SAMD3: variants seen among roughly 807,000 people sequenced by gnomAD.
SAMD3 encodes sterile alpha motif domain containing 3.
Under a neutral mutation model 58.5 loss-of-function variants are expected in SAMD3, and 63 were observed. The ratio of observed to expected loss-of-function variants is 1.08; its 90% CI spans 0.88 to 1.33. The LOEUF (loss-of-function observed/expected upper bound fraction) is 1.33, where lower values mean the gene tolerates loss of function less well. SAMD3 is among the 40% of genes most tolerant of loss of function. The pLI is 0.00. For missense variants in SAMD3, 604 were observed against 608.4 expected, an observed-to-expected ratio of 0.99 and a Z score of 0.08; for synonymous variants, 220 against 210.3, an observed-to-expected ratio of 1.05 and a Z score of -0.40.
intron 8 of SAMD3, among the ~76,000 whole-genome samples, chr6:130,163,058 A>ATGTGCC (rs1293306760): frequency 6.6e-6 from 1 of 152,208 alleles, no homozygotes; most frequent in Non-Finnish European, 1.5e-5. Flanking sequence ...GACTACAGGC[A>ATGTGCC]TGTGCCACTG....
exon 1 of SAMD3, chr6:130,365,264 TG>T: frequency 1.3e-5 from 13 of 985,328 alleles, no homozygotes; most frequent in Non-Finnish European, 1.6e-5. Context: ...CTTTGATGTT[TG>T]GAGTCGAACA....
intron 5 of SAMD3, among the ~76,000 whole-genome samples, chr6:130,195,646 T>C (rs1794034621): frequency 6.6e-6 from 1 of 152,198 alleles, no homozygotes; most frequent in African/African-American, 2.4e-5. Flanking sequence ...TCGCTTTCAC[T>C]TGGACTGACC....
At chr6:130,272,006 G>T (rs1774581512) in intron 2 of SAMD3, among the ~76,000 whole-genome samples, 1 of 152,068 alleles carries the variant, frequency 6.6e-6, no homozygotes, top group Non-Finnish European at 1.5e-5. Context: ...ATTTGGGTGG[G>T]GACACAGCCA....
intron 9 of SAMD3, 112 bp downstream of exon 9, chr6:130,154,713 A>C (rs1789593296): frequency 8.7e-6 from 1 of 115,402 alleles, no homozygotes; most frequent in African/African-American, 4.4e-5. Flanking sequence ...AAAAAAAAAA[A>C]AAAAAATATA....
At chr6:130,152,176 A>G (rs1395382241) in intron 9 of SAMD3, among the ~76,000 whole-genome samples, 1 of 152,094 alleles carries the variant, frequency 6.6e-6, no homozygotes, top group African/African-American at 2.4e-5. Context: ...TGTTTTCACA[A>G]TGGCAGGAGC....
At chr6:130,356,720 T>C (rs895252867) in intron 1 of SAMD3, among the ~76,000 whole-genome samples, 3 of 152,222 alleles carry the variant, frequency 2.0e-5, no homozygotes, top group Non-Finnish European at 4.4e-5. Flanking sequence ...TTTCCTTTTT[T>C]CTCTGAGGGT....
intron 2 of SAMD3, among the ~76,000 whole-genome samples, chr6:130,253,402 A>G (rs1353431537): frequency 6.6e-6 from 1 of 152,174 alleles, no homozygotes; most frequent in Admixed American, 6.5e-5. Flanking sequence ...TTCTTTTTCA[A>G]TAGATGAGCT....
intron 4 of SAMD3, 105 bp from the exon 5 acceptor site, chr6:130,209,713 G>A: frequency 1.5e-6 from 1 of 654,496 alleles, no homozygotes; most frequent in East Asian, 2.7e-5. Flanking sequence ...ATCATGGTCT[G>A]TGTCCACTTC....
intron 1 of SAMD3, among the ~76,000 whole-genome samples, chr6:130,352,808 T>A (rs531990727): frequency 6.6e-6 from 1 of 152,340 alleles, no homozygotes; most frequent in East Asian, 1.9e-4. Context: ...TGTGTCTACA[T>A]CTACATTCTG....
intron 5 of SAMD3, among the ~76,000 whole-genome samples, chr6:130,201,827 T>G (rs1476736034): frequency 6.6e-6 from 1 of 152,220 alleles, no homozygotes; most frequent in African/African-American, 2.4e-5. Context: ...CTTCAGTGTT[T>G]GTGAAGCCTT....
intron 1 of SAMD3, among the ~76,000 whole-genome samples, chr6:130,362,043 T>C (rs932459854): frequency 6.6e-6 from 1 of 152,238 alleles, no homozygotes; most frequent in African/African-American, 2.4e-5. Context: ...CTATGCTCTC[T>C]GTGTAACACC....
intron 5 of SAMD3, among the ~76,000 whole-genome samples, chr6:130,194,692 C>T (rs1023293813): frequency 5.3e-5 from 8 of 152,230 alleles, no homozygotes; most frequent in African/African-American, 9.6e-5. Flanking sequence ...CCCATCTGTG[C>T]AGGACCCCAC....
chr6:130,291,441 C>T (rs547135926), intron 2 of SAMD3, among the ~76,000 whole-genome samples: 1 of 152,262 alleles, frequency 6.6e-6, no homozygotes, highest in East Asian at 1.9e-4. Flanking sequence ...CTGAGCCTTA[C>T]AACTCAGGCT....
intron 2 of SAMD3, among the ~76,000 whole-genome samples, chr6:130,288,512 T>C (rs1463506998): frequency 6.6e-6 from 1 of 152,238 alleles, no homozygotes; most frequent in Non-Finnish European, 1.5e-5. Context: ...AACAACTGTG[T>C]ACCATAGCCT....
intron 2 of SAMD3, among the ~76,000 whole-genome samples, chr6:130,283,396 A>C (rs954235097): frequency 2.0e-5 from 3 of 152,236 alleles, no homozygotes; most frequent in Non-Finnish European, 4.4e-5. Context: ...GATTAAGGCA[A>C]CATTATAAGT....
At chr6:130,217,159 A>G (rs1796047220) in intron 1 of SAMD3, among the ~76,000 whole-genome samples, 1 of 152,212 alleles carries the variant, frequency 6.6e-6, no homozygotes, top group Admixed American at 6.5e-5. Context: ...TTTGCCTAGT[A>G]GCTTTTCTGG....
At chr6:130,325,016 C>G (rs774090164) in intron 1 of SAMD3, among the ~76,000 whole-genome samples, 2 of 151,854 alleles carry the variant, frequency 1.3e-5, no homozygotes, top group Admixed American at 6.6e-5. Context: ...ATCAGTGGAG[C>G]CTTAAATGAA....
upstream of SAMD3, among the ~76,000 whole-genome samples, chr6:130,223,403 T>C (rs953968894): frequency 1.3e-5 from 2 of 152,326 alleles, no homozygotes; most frequent in East Asian, 1.9e-4. Context: ...GTGCAGGTGA[T>C]AGCTGAACAT....
chr6:130,287,107 C>G (rs781618180), intron 2 of SAMD3, among the ~76,000 whole-genome samples: 1 of 152,112 alleles, frequency 6.6e-6, no homozygotes, highest in Non-Finnish European at 1.5e-5. Context: ...TTGCTTGGCT[C>G]CAGTTTTTTT....
Sources: allele counts gnomAD v4.1 joint callset (sites outside exome capture counted in the v4.1 genomes callset), GRCh38; gene constraint gnomAD v4.1.1; transcripts MANE v1.5; gene names NCBI Gene and HGNC (gene_info 2026-07-23, HGNC 2026-07-21).